Variants in MACF1 observed in about 807,000 individuals in gnomAD.
MACF1 encodes the protein microtubule actin crosslinking factor 1, also known as microtubule-actin cross-linking factor 1.
Under a neutral mutation model 854.8 loss-of-function variants are expected in MACF1, and 193 were observed. That is an observed-to-expected ratio of 0.23 (90% CI 0.20 to 0.25). The LOEUF (loss-of-function observed/expected upper bound fraction) is 0.25. Ranked by LOEUF, MACF1 falls within the 10% of genes least tolerant of loss-of-function variation. MACF1 has a pLI of 1.00. For synonymous variants in MACF1, 3,185 were observed against 3,226.7 expected, an observed-to-expected ratio of 0.99 and a Z score of 0.44; for missense variants, 7,722 against 8,929.1, an observed-to-expected ratio of 0.86 and a Z score of 5.45.
intron 84 of MACF1, among the ~76,000 whole-genome samples, chr1:39,449,814 T>G (rs1644301517): frequency 6.6e-6 from 1 of 151,262 alleles, no homozygotes; most frequent in Admixed American, 6.6e-5. Context: ...CCTCAGCCTC[T>G]TGAGTAGCTC....
In MACF1 at chr1:39,323,303, T is replaced by C. The variant is rs928262731; in HGVS notation, c.4236+295T>C. On this transcript the variant is annotated intron_variant, in intron 33 of 100. Coordinates refer to ENST00000564288, the MANE Select transcript of MACF1 (RefSeq NM_001394062.1). ...GCTGCAGTGACCATGATTGTGCCAC[T>C]GCACTCCAGCCTGGGCAATAGGCTG... Among the ~76,000 whole-genome samples the C allele has an allele frequency of 2.0e-5, 3 of 152,112 alleles. No homozygotes were observed. In the East Asian group the frequency reaches 5.8e-4, roughly 29 times the overall value.
intron 1 of MACF1, among the ~76,000 whole-genome samples, chr1:39,216,198 T>G (rs961757581): frequency 1.9e-4 from 29 of 152,298 alleles, no homozygotes; most frequent in African/African-American, 7.0e-4. Context: ...ACTTAAAGAA[T>G]TGTCTTTTAT....
chr1:39,439,888 G>C (rs927349908), intron 72 of MACF1, among the ~76,000 whole-genome samples: 5 of 151,992 alleles, frequency 3.3e-5, no homozygotes, highest in African/African-American at 1.2e-4. Flanking sequence ...TTACAGGCGT[G>C]AGCCACCACT....
chr1:39,337,779 T>G (rs113149147), intron 38 of MACF1, among the ~76,000 whole-genome samples: 12,124 of 148,968 alleles, frequency 0.081, 782 homozygotes, highest in African/African-American at 0.18. Context: ...GTGTGTGTGT[T>G]TTTTTTTTGA....
At position 39,336,008 on chromosome 1, in the gene MACF1, C is replaced by T. The variant is rs749281866; in HGVS notation, c.9420C>T (p.Thr3140=). The change falls in exon 37 of 101, where the codon ACC becomes ACT. Residue 3140 remains threonine, a synonymous_variant. Coordinates refer to ENST00000564288, the MANE Select transcript of MACF1 (RefSeq NM_001394062.1). ...SKTDKSFQGT[T]RQETNYQDSW... is the part of the protein sequence containing the mutation. ...CAGACAAGTCTTTCCAAGGAACCAC[C>T]AGACAGGAGACCAACTATCAAGATT... 1 of 1,614,124 alleles carries T rather than the reference C, an allele frequency of 6.2e-7. No homozygotes were observed. The highest frequency in any genetic ancestry group is 1.1e-5 in the South Asian group (1 of 91,072).
intron 2 of MACF1, among the ~76,000 whole-genome samples, chr1:39,242,771 A>T (rs1056265899): frequency 2.7e-5 from 4 of 149,994 alleles, no homozygotes; most frequent in Non-Finnish European, 4.4e-5. Flanking sequence ...TATGGCCAGC[A>T]CAGTGGCCCA....
rs1645606336 is a variant in MACF1 at position 39,284,360 on chromosome 1, A to G, written c.1063A>G (p.Lys355Glu). The G allele has an allele frequency of 6.2e-7, 1 of 1,600,688 alleles. No homozygotes were observed. Among genetic ancestry groups the G allele is most frequent in the Non-Finnish European group, 8.5e-7 (1 of 1,175,610 alleles). Residue 355 changes from lysine to glutamate, a missense_variant, in exon 11 of 101, where the codon AAA (lysine) becomes GAA (glutamate). This residue lies in a region of MACF1 where 97 missense variants were observed against 130.4 expected (regional missense o/e 0.74). Coordinates refer to ENST00000564288, the MANE Select transcript of MACF1 (RefSeq NM_001394062.1). ...ACTTTATAACCAATATATACACTTC[A>G]AAGAAACAGAAATTCTGGCCAAGGA... ...KALYNQYIHF[K>E]ETEILAKERE... is the part of the protein sequence containing the mutation.
chr1:39,271,550 C>T (rs1376951637), intron 6 of MACF1, among the ~76,000 whole-genome samples: 1 of 152,140 alleles, frequency 6.6e-6, no homozygotes, highest in Admixed American at 6.5e-5. Flanking sequence ...GAAACCATAT[C>T]AACAAGTATT....
intron 2 of MACF1, among the ~76,000 whole-genome samples, chr1:39,243,341 G>A (rs1026145413): frequency 6.6e-6 from 1 of 152,200 alleles, no homozygotes; most frequent in African/African-American, 2.4e-5. Flanking sequence ...ATAATTATTT[G>A]TTAGAAAGAA....
chr1:39,282,290 C>G lies in MACF1; in HGVS notation c.611C>G (p.Ala204Gly), dbSNP rs1487887480. Residue 204 changes from alanine to glycine, a missense_variant, in exon 7 of 101, where the codon GCT becomes GGT. By Grantham distance (60) the Ala-to-Gly change is moderately conservative. Around this residue, in one of 15 missense-constraint regions of MACF1, gnomAD observed 108 missense variants for 196.4 expected, o/e 0.55. Transcript: ENST00000564288. ...KLLLWTQKVT[A>G]GYTGIKCTNF... ...CTCCTGTGGACCCAGAAGGTGACAG[C>G]TGGTTACACAGGAATCAAATGCACC... The G allele has an allele frequency of 5.0e-6, 8 of 1,613,984 alleles. No individual in the cohort carries two copies. The highest frequency in any genetic ancestry group is 6.8e-6 in the Non-Finnish European group (8 of 1,179,976).
rs1645892084 is a variant in MACF1 at position 39,295,993 on chromosome 1, T to A, written c.2355+111T>A. 3.4e-6 allele frequency: 3 copies of A among 892,710 alleles called. No individual in the cohort carries two copies. In the East Asian group the frequency reaches 8.5e-5, roughly 25 times the overall value. The allele number at this position is 892,710 out of a possible 1,614,324, so 55.3% of individuals were successfully genotyped here. A position where few individuals can be genotyped will look rare whatever the true frequency, so the allele number is the denominator to read the frequency against. On this transcript the variant is annotated intron_variant, in intron 20 of 100. Coordinates refer to ENST00000564288, the MANE Select transcript of MACF1 (RefSeq NM_001394062.1). ...TGTTGTATAAACCACCACCTTAAAA[T>A]TTAGTTGCTTAAAACAATAGTCATT... is the stretch of plus-strand genomic sequence containing the variant.
chr1:39,091,744 C>A (rs1030369716), intron 2 of MACF1, among the ~76,000 whole-genome samples: 1 of 152,160 alleles, frequency 6.6e-6, no homozygotes, highest in East Asian at 1.9e-4. Flanking sequence ...TCGTGATCCA[C>A]CTGCTTTGGC....
At chr1:39,153,523 T>C (rs1643624594) in intron 2 of MACF1, among the ~76,000 whole-genome samples, 1 of 152,208 alleles carries the variant, frequency 6.6e-6, no homozygotes, top group African/African-American at 2.4e-5. Context: ...TTCGAGGGTC[T>C]GTAGCCTAAA....
chr1:39,318,683 G>A (rs1646458702), intron 30 of MACF1, 68 bp downstream of exon 30: 1 of 1,427,346 alleles, frequency 7.0e-7, no homozygotes, highest in Non-Finnish European at 9.3e-7. Context: ...AAAAGAAAAT[G>A]ATGTACTGGC....
At chr1:39,405,851 G>A (rs1188748928) in intron 58 of MACF1, among the ~76,000 whole-genome samples, 1 of 151,534 alleles carries the variant, frequency 6.6e-6, no homozygotes, top group Non-Finnish European at 1.5e-5. Flanking sequence ...CTTTTAAAAA[G>A]TTTATACACA....
intron 58 of MACF1, among the ~76,000 whole-genome samples, chr1:39,415,930 TTGAC>T (rs1471537608): frequency 6.6e-6 from 1 of 152,210 alleles, no homozygotes; most frequent in East Asian, 1.9e-4. Flanking sequence ...GCATTTGCTG[TTGAC>T]TGACTGACTG....
intron 2 of MACF1, among the ~76,000 whole-genome samples, chr1:39,100,022 C>T (rs2148129630): frequency 6.6e-6 from 1 of 152,218 alleles, no homozygotes. Context: ...TCGAGACCAG[C>T]CTGGACAGTA....
At chr1:39,467,570 T>C (rs1402712386) in intron 95 of MACF1, among the ~76,000 whole-genome samples, 1 of 152,172 alleles carries the variant, frequency 6.6e-6, no homozygotes, top group Admixed American at 6.5e-5. Context: ...AGCTGGGAAG[T>C]AGGAATGTTT....
intron 23 of MACF1, among the ~76,000 whole-genome samples, chr1:39,308,559 CTG>C (rs1646236216): frequency 6.6e-6 from 1 of 151,932 alleles, no homozygotes; most frequent in Admixed American, 6.6e-5. Context: ...GAGAGTGTGT[CTG>C]TGTATTTGTG....
Sources: allele counts gnomAD v4.1 joint callset (sites outside exome capture counted in the v4.1 genomes callset), GRCh38; gene constraint gnomAD v4.1.1; regional missense constraint gnomAD v4.1.1; transcripts MANE v1.5; gene names NCBI Gene and HGNC (gene_info 2026-07-23, HGNC 2026-07-21).